The following KCNH5 variants were observed in gnomAD, a reference collection of about 807,000 sequenced individuals.
KCNH5 encodes potassium voltage-gated channel subfamily H member 5.
KCNH5 carries 46 observed loss-of-function variants against 96.1 expected under a neutral mutation model. The ratio of observed to expected loss-of-function variants is 0.48; its 90% CI spans 0.38 to 0.61. The LOEUF (loss-of-function observed/expected upper bound fraction) is 0.61, where lower values mean the gene tolerates loss of function less well. KCNH5 is among the 20% of genes least tolerant of loss of function. The pLI, the probability that KCNH5 is intolerant of heterozygous loss-of-function variation, is 0.00. For synonymous variants in KCNH5, 439 were observed against 449.8 expected, an observed-to-expected ratio of 0.98 and a Z score of 0.30; for missense variants, 907 against 1,225.8, an observed-to-expected ratio of 0.74 and a Z score of 3.88.
In KCNH5 at chr14:62,853,456, C is replaced by CATATATATATAT. The variant is rs61444088; in HGVS notation, c.1370-3616_1370-3605dup. Among the ~76,000 whole-genome samples, 80 of 93,154 alleles carry CATATATATATAT rather than the reference C, an allele frequency of 8.6e-4. 1 individual carries two copies. Among genetic ancestry groups the CATATATATATAT allele is most frequent in the South Asian group, 4.0e-3 (9 of 2,226 alleles). The allele number at this position is 93,154 out of a possible 152,430, so 61.1% of individuals were successfully genotyped here. ...TCATTTCCCAAACAAAAAGAATAAT[C>CATATATATATAT]ATATATATATATATATATATATATC... On this transcript the variant is annotated intron_variant, in intron 7 of 10. Coordinates refer to ENST00000322893, the MANE Select transcript of KCNH5 (RefSeq NM_139318.5).
intron 4 of KCNH5, among the ~76,000 whole-genome samples, chr14:62,987,829 A>G (rs749428256): frequency 9.9e-5 from 15 of 152,166 alleles, no homozygotes; most frequent in Non-Finnish European, 1.5e-5. Flanking sequence ...TACAGCAGCT[A>G]GTCTTACCCT....
intron 10 of KCNH5, among the ~76,000 whole-genome samples, chr14:62,760,447 C>T (rs1260671793): frequency 6.6e-6 from 1 of 152,140 alleles, no homozygotes; most frequent in Non-Finnish European, 1.5e-5. Context: ...GGAAATCGGC[C>T]TCTTCTTATG....
At chr14:62,734,534 G>T (rs1253563708) in intron 10 of KCNH5, among the ~76,000 whole-genome samples, 1 of 152,072 alleles carries the variant, frequency 6.6e-6, no homozygotes, top group Non-Finnish European at 1.5e-5. Flanking sequence ...TTCAGGGAAA[G>T]CACCATCATT....
At chr14:62,973,357 T>C (rs1347304222) in intron 6 of KCNH5, among the ~76,000 whole-genome samples, 2 of 152,142 alleles carry the variant, frequency 1.3e-5, no homozygotes, top group Non-Finnish European at 2.9e-5. Flanking sequence ...TCCCCTCAAA[T>C]ATATATGTTA....
chr14:62,822,776 C>T (rs988130977), intron 8 of KCNH5, among the ~76,000 whole-genome samples: 1 of 151,662 alleles, frequency 6.6e-6, no homozygotes, highest in Non-Finnish European at 1.5e-5. Flanking sequence ...TGAATTTTAT[C>T]GATCATTTTC....
At chr14:62,967,740 A>C (rs1213148743) in intron 6 of KCNH5, among the ~76,000 whole-genome samples, 1 of 152,200 alleles carries the variant, frequency 6.6e-6, no homozygotes, top group African/African-American at 2.4e-5. Context: ...ATTATTGCAC[A>C]GAAAGACAAT....
chr14:62,838,125 C>T (rs373152054), intron 8 of KCNH5, among the ~76,000 whole-genome samples: 13 of 152,240 alleles, frequency 8.5e-5, no homozygotes, highest in South Asian at 2.1e-4. Flanking sequence ...CTAACTCTTT[C>T]GAAACATGCA....
chr14:63,020,600 A>G (rs1891407683), intron 1 of KCNH5, among the ~76,000 whole-genome samples: 1 of 152,148 alleles, frequency 6.6e-6, no homozygotes, highest in Admixed American at 6.6e-5. Flanking sequence ...AACTAATATT[A>G]TATGATGATA....
intron 7 of KCNH5, among the ~76,000 whole-genome samples, chr14:62,884,417 G>A (rs976900009): frequency 3.3e-5 from 5 of 152,194 alleles, no homozygotes; most frequent in African/African-American, 9.6e-5. Context: ...CTGGCTTCAG[G>A]AGTTCACGAC....
At chr14:62,924,213 G>A (rs902713640) in intron 7 of KCNH5, among the ~76,000 whole-genome samples, 2 of 151,976 alleles carry the variant, frequency 1.3e-5, no homozygotes, top group Non-Finnish European at 2.9e-5. Flanking sequence ...AGAAGCATAT[G>A]AGAAGGTACT....
intron 7 of KCNH5, among the ~76,000 whole-genome samples, chr14:62,927,198 C>T (rs1889492763): frequency 6.6e-6 from 1 of 152,110 alleles, no homozygotes; most frequent in African/African-American, 2.4e-5. Flanking sequence ...CAATGAGATA[C>T]TACCTCACAC....
intron 7 of KCNH5, among the ~76,000 whole-genome samples, chr14:62,871,472 C>T (rs879562011): frequency 1.3e-5 from 2 of 152,106 alleles, no homozygotes; most frequent in Non-Finnish European, 2.9e-5. Flanking sequence ...ATTACTTCTC[C>T]ATTAATATGA....
chr14:62,788,158 G>C (rs186423385), intron 9 of KCNH5, among the ~76,000 whole-genome samples: 1 of 152,284 alleles, frequency 6.6e-6, no homozygotes, highest in African/African-American at 2.4e-5. Flanking sequence ...TGTGATTCAT[G>C]TGAGATGTGA....
At chr14:62,848,094 C>T (rs1175155089) in intron 8 of KCNH5, among the ~76,000 whole-genome samples, 1 of 152,200 alleles carries the variant, frequency 6.6e-6, no homozygotes, top group East Asian at 1.9e-4. Context: ...ACGTAAAAGG[C>T]CATTATTCCA....
chr14:62,919,214 A>G (rs1187186576), intron 7 of KCNH5, among the ~76,000 whole-genome samples: 1 of 152,048 alleles, frequency 6.6e-6, no homozygotes, highest in Non-Finnish European at 1.5e-5. Flanking sequence ...GAAGCTTCCA[A>G]TTATTCTGAT....
intron 3 of KCNH5, among the ~76,000 whole-genome samples, chr14:63,003,657 T>C (rs1013007800): frequency 7.9e-5 from 11 of 139,908 alleles, no homozygotes; most frequent in Non-Finnish European, 1.2e-4. Flanking sequence ...TCTCACTCTT[T>C]CGTCCAGGCC....
chr14:62,871,963 T>A (rs1888264873), intron 7 of KCNH5, among the ~76,000 whole-genome samples: 2 of 152,212 alleles, frequency 1.3e-5, no homozygotes, highest in Admixed American at 1.3e-4. Flanking sequence ...CCCATTAAAT[T>A]CCTTTTTCTA....
At chr14:62,880,739 A>G (rs1888475970) in intron 7 of KCNH5, among the ~76,000 whole-genome samples, 1 of 152,250 alleles carries the variant, frequency 6.6e-6, no homozygotes, top group Admixed American at 6.5e-5. Context: ...TGGCAAATTA[A>G]TCACCATGCT....
chr14:62,989,215 T>C (rs1890765740), intron 4 of KCNH5, among the ~76,000 whole-genome samples: 1 of 152,036 alleles, frequency 6.6e-6, no homozygotes. Context: ...ACATGCCTTT[T>C]ACCCTATTAC....
Sources: allele counts gnomAD v4.1 joint callset (sites outside exome capture counted in the v4.1 genomes callset), GRCh38; gene constraint gnomAD v4.1.1; transcripts MANE v1.5; gene names NCBI Gene and HGNC (gene_info 2026-07-23, HGNC 2026-07-21).